The following TMEM132D variants were observed in gnomAD, a reference collection of about 807,000 sequenced individuals.
TMEM132D encodes the protein mature OL transmembrane protein.
TMEM132D carries 21 observed loss-of-function variants against 62.3 expected under a neutral mutation model. That is an observed-to-expected ratio of 0.34 (90% CI 0.24 to 0.49). TMEM132D has a LOEUF of 0.49. TMEM132D is among the 20% of genes least tolerant of loss of function. The probability of loss-of-function intolerance (pLI) is 0.99; values close to 1 mark genes in which losing one functional copy is unlikely to be tolerated. For missense variants in TMEM132D, 1,346 were observed against 1,402.8 expected (o/e 0.96, Z 0.65); for synonymous variants, 621 against 575.6 (o/e 1.08, Z -1.13).
intron 5 of TMEM132D, among the ~76,000 whole-genome samples, chr12:129,119,990 G>T (rs11060146): frequency 0.051 from 7,737 of 151,906 alleles, 251 homozygotes; most frequent in Non-Finnish European, 0.075. Flanking sequence ...CTAGGCTAAG[G>T]GTATGTAGGA....
chr12:129,681,542 A>G (rs1880778932), intron 2 of TMEM132D: 1 of 152,204 alleles, frequency 6.6e-6, no homozygotes, highest in South Asian at 2.1e-4. Context: ...CCAGAAAAAC[A>G]GCTGGATTTC....
chr12:129,426,858 T>C (rs1319858926), intron 3 of TMEM132D, among the ~76,000 whole-genome samples: 4 of 152,220 alleles, frequency 2.6e-5, no homozygotes, highest in South Asian at 4.1e-4. Context: ...TGTGGCACTG[T>C]GCATGCAGCA....
At chr12:129,120,702 C>T (rs909344773) in intron 5 of TMEM132D, among the ~76,000 whole-genome samples, 5 of 152,106 alleles carry the variant, frequency 3.3e-5, no homozygotes, top group Admixed American at 1.3e-4. Flanking sequence ...TCATATAATT[C>T]TCCTGGCTTT....
chr12:129,231,592 T>G (rs1026344897), intron 4 of TMEM132D, among the ~76,000 whole-genome samples: 2 of 152,236 alleles, frequency 1.3e-5, no homozygotes, highest in Non-Finnish European at 2.9e-5. Context: ...TTATTTTTTA[T>G]TTCATTAAGC....
Position 129,531,115 on chromosome 12 carries a change from T to C in TMEM132D, c.1059A>G (p.Gly353=), listed in dbSNP as rs1593053623. 1 of 1,614,070 alleles carries C rather than the reference T, an allele frequency of 6.2e-7. No individual in the cohort carries two copies. Among genetic ancestry groups the C allele is most frequent in the Non-Finnish European group, 8.5e-7 (1 of 1,179,960 alleles). ...WDVKERTDYT[G]KYAPAVIVCQ... Reference sequence around the variant, plus strand: ...AAACGATGACAGCTGGTGCATACTTTCCAGTATAATCCGTGCGCTCCTTGA... The same window carrying C: ...AAACGATGACAGCTGGTGCATACTTCCCAGTATAATCCGTGCGCTCCTTGA... Residue 353 remains glycine (G), a synonymous_variant, in exon 3 of 9, where the codon GGA becomes GGG. Coordinates refer to ENST00000422113, the MANE Select transcript of TMEM132D (RefSeq NM_133448.3).
chr12:129,791,296 A>T (rs529770648), intron 1 of TMEM132D, among the ~76,000 whole-genome samples: 1 of 152,354 alleles, frequency 6.6e-6, no homozygotes, highest in South Asian at 2.1e-4. Context: ...GTCAAAAATT[A>T]AAAAGTGGGA....
At chr12:129,102,509 C>T (rs896233353) in intron 5 of TMEM132D, among the ~76,000 whole-genome samples, 2 of 149,594 alleles carry the variant, frequency 1.3e-5, no homozygotes, top group African/African-American at 5.0e-5. Context: ...TGCATATGCA[C>T]GCACACACGC....
At chr12:129,188,439 C>A (rs76565725) in intron 5 of TMEM132D, among the ~76,000 whole-genome samples, 1 of 152,228 alleles carries the variant, frequency 6.6e-6, no homozygotes, top group Admixed American at 6.5e-5. Flanking sequence ...AATGCTCACT[C>A]TTTCAAGCCA....
chr12:129,621,055 T>C (rs1028345626), intron 2 of TMEM132D, among the ~76,000 whole-genome samples: 1 of 152,196 alleles, frequency 6.6e-6, no homozygotes, highest in Admixed American at 6.5e-5. Flanking sequence ...TCTTCCCACG[T>C]GGTTCCAAGT....
intron 3 of TMEM132D, among the ~76,000 whole-genome samples, chr12:129,523,075 C>T (rs1344501802): frequency 6.6e-6 from 1 of 151,670 alleles, no homozygotes; most frequent in Non-Finnish European, 1.5e-5. Flanking sequence ...TCAGAGAGGA[C>T]ACTAAGGGCT....
chr12:129,585,671 C>T (rs184948516), intron 2 of TMEM132D, among the ~76,000 whole-genome samples: 5 of 152,058 alleles, frequency 3.3e-5, no homozygotes, highest in Admixed American at 2.0e-4. Context: ...TAAATGTTCC[C>T]GGAATTCTTT....
At chr12:129,558,225 G>A (rs1458819481) in intron 2 of TMEM132D, among the ~76,000 whole-genome samples, 1 of 152,180 alleles carries the variant, frequency 6.6e-6, no homozygotes, top group African/African-American at 2.4e-5. Flanking sequence ...CTGACCAAAT[G>A]AAGAGACAGC....
At chr12:129,474,675 T>G (rs1028696616) in intron 3 of TMEM132D, among the ~76,000 whole-genome samples, 1 of 152,190 alleles carries the variant, frequency 6.6e-6, no homozygotes, top group East Asian at 1.9e-4. Flanking sequence ...GCTGTCATCA[T>G]TAACTTATAG....
chr12:129,230,278 A>T (rs1270538425), intron 4 of TMEM132D, among the ~76,000 whole-genome samples: 9 of 145,602 alleles, frequency 6.2e-5, no homozygotes, highest in African/African-American at 1.8e-4. Flanking sequence ...CAGCCTAGCC[A>T]TCCCCTTCCT....
chr12:129,625,546 C>T (rs551595326), intron 2 of TMEM132D, among the ~76,000 whole-genome samples: 6 of 152,284 alleles, frequency 3.9e-5, no homozygotes, highest in Admixed American at 3.9e-4. Flanking sequence ...CTCCCCAATA[C>T]GAGACACTTT....
chr12:129,831,280 C>G (rs1872821735), intron 1 of TMEM132D, among the ~76,000 whole-genome samples: 1 of 152,246 alleles, frequency 6.6e-6, no homozygotes, highest in Non-Finnish European at 1.5e-5. Context: ...GACATGGGCA[C>G]TGACAGATGA....
At chr12:129,531,531 C>G (rs1876226348) in intron 2 of TMEM132D, among the ~76,000 whole-genome samples, 1 of 152,158 alleles carries the variant, frequency 6.6e-6, no homozygotes, top group South Asian at 2.1e-4. Context: ...ACCTGAAAAC[C>G]CTTAGCCTGG....
At chr12:129,101,936 T>TAATTATGTGAGTCTTTTGGA (rs1424466750) in intron 5 of TMEM132D, among the ~76,000 whole-genome samples, 5 of 151,204 alleles carry the variant, frequency 3.3e-5, no homozygotes, top group Non-Finnish European at 7.4e-5. Flanking sequence ...TGATTCATAA[T>TAATTATGTGAGTCTTTTGGA]CCCCCGCTTC....
intron 3 of TMEM132D, among the ~76,000 whole-genome samples, chr12:129,499,731 T>C (rs909884623): frequency 6.6e-6 from 1 of 152,200 alleles, no homozygotes; most frequent in Non-Finnish European, 1.5e-5. Flanking sequence ...AGAGGGTCTT[T>C]AGGTTAAATA....
Sources: allele counts gnomAD v4.1 joint callset (sites outside exome capture counted in the v4.1 genomes callset), GRCh38; gene constraint gnomAD v4.1.1; transcripts MANE v1.5; gene names NCBI Gene and HGNC (gene_info 2026-07-23, HGNC 2026-07-21).